Variants in GLDC observed in about 807,000 individuals in gnomAD.
The protein encoded by GLDC is glycine decarboxylase.
In GLDC, 104 loss-of-function variants were observed where a neutral mutation model predicts 121.3. The observed-to-expected ratio is 0.86, with a 90% CI of 0.73 to 1.01. The LOEUF (loss-of-function observed/expected upper bound fraction) is 1.01. Ranked by LOEUF, GLDC falls within the 50% of genes least tolerant of loss-of-function variation. The pLI is 0.00. For missense variants in GLDC, 1,429 were observed against 1,306.6 expected (o/e 1.09, Z -1.44); for synonymous variants, 546 against 480.6 (o/e 1.14, Z -1.78).
At chr9:6,644,374 G>T (rs978715707) in intron 2 of GLDC, among the ~76,000 whole-genome samples, 8 of 151,816 alleles carry the variant, frequency 5.3e-5, no homozygotes, top group African/African-American at 1.9e-4. Flanking sequence ...GCTCGCGGGG[G>T]CCCTAGGATA....
intron 2 of GLDC, among the ~76,000 whole-genome samples, chr9:6,625,886 T>C (rs554379374): frequency 1.3e-5 from 2 of 150,614 alleles, no homozygotes; most frequent in South Asian, 4.2e-4. Flanking sequence ...ACCCAAGTTT[T>C]CTGAAAAATG....
chr9:6,615,910 G>C (rs577411057), intron 3 of GLDC, among the ~76,000 whole-genome samples: 2 of 151,910 alleles, frequency 1.3e-5, no homozygotes, highest in East Asian at 1.9e-4. Context: ...ACCGCACCTG[G>C]CCTAATCAGG....
rs866308490 is a variant in GLDC at position 6,582,818 on chromosome 9, G to A, written c.1850+4323C>T. Among the ~76,000 whole-genome samples the A allele has an allele frequency of 5.8e-4, 85 of 147,260 alleles. 1 individual carries two copies. Among genetic ancestry groups the A allele is most frequent in the African/African-American group, 2.1e-3 (82 of 39,540 alleles). On this transcript the variant is annotated intron_variant, in intron 15 of 24. Coordinates refer to ENST00000321612, the MANE Select transcript of GLDC (RefSeq NM_000170.3). ...CACTCCAGTCTGGGCGACAGAGCGA[G>A]ACCTCGTCTCAAAAAAAAAAAAAAA...
intron 4 of GLDC, 147 bp from the exon 5 acceptor site, chr9:6,606,816 T>A (rs967155712): frequency 1.5e-6 from 1 of 687,374 alleles, no homozygotes; most frequent in Non-Finnish European, 2.7e-6. Context: ...CTCACGCCTG[T>A]AATCCCAGCA....
chr9:6,642,979 A>G (rs1587988595), intron 2 of GLDC, among the ~76,000 whole-genome samples: 1 of 151,618 alleles, frequency 6.6e-6, no homozygotes, highest in Non-Finnish European at 1.5e-5. Flanking sequence ...GCTCGCTGCA[A>G]CCTCCACTGC....
intron 2 of GLDC, among the ~76,000 whole-genome samples, chr9:6,630,428 C>CA: frequency 6.6e-6 from 1 of 152,162 alleles, no homozygotes; most frequent in Non-Finnish European, 1.5e-5. Flanking sequence ...GCCTCACACA[C>CA]AGCAGCCACT....
At chr9:6,543,108 C>A (rs1465517177) in intron 21 of GLDC, among the ~76,000 whole-genome samples, 1 of 151,852 alleles carries the variant, frequency 6.6e-6, no homozygotes, top group Non-Finnish European at 1.5e-5. Flanking sequence ...AAGACCCTAT[C>A]CTACAAAATA....
chr9:6,563,719 T>C (rs1351991378), intron 16 of GLDC, among the ~76,000 whole-genome samples: 1 of 152,204 alleles, frequency 6.6e-6, no homozygotes, highest in African/African-American at 2.4e-5. Flanking sequence ...TGTGGGGGAA[T>C]TTCAGGGTCT....
chr9:6,613,271 T>C, intron 3 of GLDC, among the ~76,000 whole-genome samples: 1 of 152,200 alleles, frequency 6.6e-6, no homozygotes, highest in Admixed American at 6.5e-5. Context: ...TTAACATAAC[T>C]ACAGTTAACA....
chr9:6,600,302 A>T (rs1052738090), intron 8 of GLDC, among the ~76,000 whole-genome samples: 1 of 151,802 alleles, frequency 6.6e-6, no homozygotes. Flanking sequence ...CTGGAGGTTG[A>T]AGGTTGAGGC....
rs975431369 is a variant in GLDC at position 6,550,948 on chromosome 9, G to C, written c.2458-34C>G. ...AAGGGAAAAAGAGCCATTAGCCATT[G>C]AACAGGCAAACACGAATGTGAAGAA... On this transcript the variant is annotated intron_variant, in intron 20 of 24. Coordinates refer to ENST00000321612, the MANE Select transcript of GLDC (RefSeq NM_000170.3). The C allele has an allele frequency of 3.7e-6, 5 of 1,365,542 alleles. No homozygotes were observed. The African/African-American group carries it at 5.7e-5, about 16-fold the overall frequency. 84.6% of individuals were successfully genotyped at this position (1,365,542 alleles called of 1,614,324 possible).
chr9:6,539,970 G>C (rs770271049), intron 22 of GLDC, 81 bp downstream of exon 22: 40 of 889,174 alleles, frequency 4.5e-5, no homozygotes, highest in Non-Finnish European at 7.3e-5. Flanking sequence ...GTTTACTGTG[G>C]TGCCTGCATT....
chr9:6,591,195 A>G (rs1004643092), intron 11 of GLDC, among the ~76,000 whole-genome samples: 1 of 152,188 alleles, frequency 6.6e-6, no homozygotes, highest in African/African-American at 2.4e-5. Context: ...TATAGCTTTC[A>G]TGTACTCCCT....
intron 16 of GLDC, among the ~76,000 whole-genome samples, chr9:6,563,121 A>T (rs918183841): frequency 6.6e-6 from 1 of 152,188 alleles, no homozygotes; most frequent in Non-Finnish European, 1.5e-5. Context: ...ACACAAAGAG[A>T]GGGAACAGGA....
Position 6,572,406 on chromosome 9 carries a change from C to T in GLDC, c.1851-6977G>A, listed in dbSNP as rs1161872631. On this transcript the variant is annotated intron_variant, in intron 15 of 24. Coordinates refer to ENST00000321612, the MANE Select transcript of GLDC (RefSeq NM_000170.3). ...AAAATCAACTGGGTTTTCATTGGTG[C>T]TGAGTTTAGAGGTGTGTGTGGGAAT... 4.1e-4 allele frequency among the ~76,000 whole-genome samples: 62 copies of T among 152,118 alleles called. 1 individual carries two copies. Among genetic ancestry groups the T allele is most frequent in the Admixed American group, 3.9e-3 (60 of 15,274 alleles).
At chr9:6,602,728 T>G (rs1470240810) in intron 7 of GLDC, among the ~76,000 whole-genome samples, 1 of 152,106 alleles carries the variant, frequency 6.6e-6, no homozygotes, top group Non-Finnish European at 1.5e-5. Context: ...AAAGAAAATT[T>G]TGCAGGAATT....
chr9:6,632,971 A>G (rs1331128724), intron 2 of GLDC, among the ~76,000 whole-genome samples: 1 of 151,976 alleles, frequency 6.6e-6, no homozygotes, highest in Non-Finnish European at 1.5e-5. Context: ...AGATGCTCTC[A>G]GCAGACCCTC....
chr9:6,604,904 C>T, intron 6 of GLDC, 120 bp from the exon 7 acceptor site: 1 of 922,004 alleles, frequency 1.1e-6, no homozygotes, highest in Admixed American at 1.9e-5. Context: ...CCTGTGAACT[C>T]CATTGCTCAT....
intron 21 of GLDC, among the ~76,000 whole-genome samples, chr9:6,549,091 A>T (rs1306473094): frequency 6.6e-6 from 1 of 152,206 alleles, no homozygotes; most frequent in Non-Finnish European, 1.5e-5. Flanking sequence ...TGTTATAGAC[A>T]AAGGTTCCTT....
Sources: allele counts gnomAD v4.1 joint callset (sites outside exome capture counted in the v4.1 genomes callset), GRCh38; gene constraint gnomAD v4.1.1; transcripts MANE v1.5; gene names NCBI Gene and HGNC (gene_info 2026-07-23, HGNC 2026-07-21).